Variants in FCN1 observed in about 807,000 individuals in gnomAD.
FCN1 encodes the protein ficolin-1.
A neutral mutation model predicts 35.6 loss-of-function variants in FCN1; 42 were observed. That is an observed-to-expected ratio of 1.18 (90% confidence interval 0.92 to 1.53). FCN1 has a LOEUF of 1.53. FCN1 is among the 40% of genes most tolerant of loss of function. The pLI is 0.00. For missense variants in FCN1, 439 were observed against 428.4 expected, an observed-to-expected ratio of 1.02 and a Z score of -0.22; for synonymous variants, 179 against 169.8, an observed-to-expected ratio of 1.05 and a Z score of -0.42.
At chr9:134,912,698 A>C in intron 6 of FCN1, 83 bp from the exon 7 acceptor site, 1 of 1,581,432 alleles carries the variant, frequency 6.3e-7, no homozygotes, top group Non-Finnish European at 8.7e-7. Flanking sequence ...GAGGAGCAGC[A>C]TTTGTAGTTG....
intron 5 of FCN1, 150 bp from the exon 6 acceptor site, chr9:134,913,293 AG>A: frequency 8.9e-7 from 1 of 1,121,420 alleles, no homozygotes; most frequent in Non-Finnish European, 1.3e-6. Flanking sequence ...CACGGCCCCC[AG>A]GGCCACGCAG....
intron 8 of FCN1, 152 bp downstream of exon 8, chr9:134,910,981 G>A (rs1308383733): frequency 1.7e-5 from 14 of 827,744 alleles, no homozygotes; most frequent in South Asian, 6.6e-5. Context: ...TGAGCCCCAC[G>A]CTGTACAGAG....
chr9:134,914,222 C>T (rs2070620), intron 4 of FCN1, among the ~76,000 whole-genome samples, 163 bp downstream of exon 4: 14,781 of 152,206 alleles, frequency 0.097, 2,131 homozygotes, highest in African/African-American at 0.31. Flanking sequence ...TTTGAGCCCT[C>T]GTGGATTCTG....
rs2989734 is a variant in FCN1, at chr9:134,909,468, A to G, written c.*330T>C. 0.64 allele frequency: 829,444 copies of G among 1,305,586 alleles called. 267,386 individuals carry two copies. Among genetic ancestry groups the G allele is most frequent in the African/African-American group, 0.87 (57,780 of 66,642 alleles). The allele number at this position is 1,305,586 out of a possible 1,614,324, so 80.9% of individuals were successfully genotyped here. ...ACATCGGTAGTGCCATCTGCTAAAT[A>G]AGGGTCCTGACTCTTCCCGACTTAC... On this transcript the variant is annotated 3_prime_UTR_variant, in exon 9 of 9. Transcript: ENST00000371806.
chr9:134,911,303 G>T, intron 7 of FCN1, 36 bp from the exon 8 acceptor site: 1 of 1,593,712 alleles, frequency 6.3e-7, no homozygotes, highest in South Asian at 1.1e-5. Flanking sequence ...CAGCCTTTAA[G>T]ATCTTTCTGT....
chr9:134,915,639 G>T lies in FCN1; in HGVS notation c.217+709C>A, dbSNP rs1005814253. Among the ~76,000 whole-genome samples, 4 of 152,188 alleles carry T rather than the reference G, an allele frequency of 2.6e-5. No individual in the cohort carries two copies. The East Asian group carries it at 7.7e-4, about 29-fold the overall frequency. On this transcript the variant is annotated intron_variant, in intron 2 of 8. Coordinates refer to ENST00000371806, the MANE Select transcript of FCN1 (RefSeq NM_002003.5). ...CGTCAGTGAAAGTCCAAGTCATAGG[G>T]ACATTTGAGCTTGTCCCATCTACAC...
chr9:134,903,876 C>T lies in FCN1; in HGVS notation c.*5922G>A, dbSNP rs998598214. On this transcript the variant is annotated 3_prime_UTR_variant, in exon 9 of 9. Coordinates refer to ENST00000371806, the MANE Select transcript of FCN1 (RefSeq NM_002003.5). ...GCTATTCTATAACTGAAATTAATAA[C>T]TCAATCAATGGTTTTCTATTTATAA... 1.3e-5 allele frequency among the ~76,000 whole-genome samples: 2 copies of T among 152,118 alleles called. No individual in the cohort carries two copies. Among genetic ancestry groups the T allele is most frequent in the Non-Finnish European group, 2.9e-5 (2 of 67,996 alleles).
rs936196488 is a variant in FCN1 at position 134,907,025 on chromosome 9, T to A, written c.*2773A>T. 6.6e-6 allele frequency: 1 copy of A among 152,192 alleles called. No individual in the cohort carries two copies. Among genetic ancestry groups the A allele is most frequent in the Admixed American group, 6.5e-5 (1 of 15,274 alleles). 9.4% of individuals were successfully genotyped at this position (152,192 alleles called of 1,614,324 possible). On this transcript the variant is annotated 3_prime_UTR_variant, in exon 9 of 9. Coordinates refer to ENST00000371806, the MANE Select transcript of FCN1 (RefSeq NM_002003.5). The stretch of plus-strand genomic sequence containing the variant: ...AGGTGGAGATTGCAGTGAGCTGAGA[T>A]CACGCCACTGCACTCCAGCCTGGGT...
intron 8 of FCN1, among the ~76,000 whole-genome samples, chr9:134,910,269 TCCAGCAA>T (rs1330425990): frequency 4.6e-5 from 7 of 152,106 alleles, no homozygotes; most frequent in Admixed American, 4.6e-4. Flanking sequence ...AGGCCCCTGC[TCCAGCAA>T]CCACCTGTTT....
chr9:134,917,256 C>G (rs1478800895), intron 1 of FCN1, among the ~76,000 whole-genome samples: 1 of 152,160 alleles, frequency 6.6e-6, no homozygotes, highest in African/African-American at 2.4e-5. Flanking sequence ...TCCTTAGGAG[C>G]AGTCTCTTGC....
chr9:134,917,079 G>C (rs570229817), intron 1 of FCN1, among the ~76,000 whole-genome samples: 1 of 152,218 alleles, frequency 6.6e-6, no homozygotes, highest in Admixed American at 6.5e-5. Context: ...TGCTAAGGGC[G>C]CTCTTAGAGA....
intron 2 of FCN1, among the ~76,000 whole-genome samples, chr9:134,915,373 C>T (rs1337836115): frequency 6.6e-6 from 1 of 152,168 alleles, no homozygotes; most frequent in Non-Finnish European, 1.5e-5. Flanking sequence ...GCTCGCTGAC[C>T]CCAGTGGCTG....
At chr9:134,913,462 G>C (rs537733514) in intron 5 of FCN1, 119 bp downstream of exon 5, 15 of 727,558 alleles carry the variant, frequency 2.1e-5, no homozygotes, top group Non-Finnish European at 3.0e-5. Context: ...GAGTGATTGA[G>C]GGGGGGATGA....
rs778517450 is a variant in FCN1 at position 134,913,025 on chromosome 9, C to T, written c.459G>A (p.Gly153=). ...CCAGCCCCACACTCACGGTCCAGCCCCCTCCGTCCGTGTCCATGTCACAGA... is the reference window on the plus strand; with the variant it reads ...CCAGCCCCACACTCACGGTCCAGCCTCCTCCGTCCGTGTCCATGTCACAGA... ...TVLCDMDTDG[G]GWTVFQRRMD... Residue 153 remains glycine (G), a synonymous_variant, in exon 6 of 9, where the codon GGG becomes GGA. Coordinates refer to ENST00000371806, the MANE Select transcript of FCN1 (RefSeq NM_002003.5). 1.2e-6 allele frequency: 2 copies of T among 1,611,708 alleles called. No homozygotes were observed. Among genetic ancestry groups the T allele is most frequent in the Non-Finnish European group, 1.7e-6 (2 of 1,179,004 alleles).
At chr9:134,916,177 C>A (rs978031785) in intron 2 of FCN1, among the ~76,000 whole-genome samples, 171 bp downstream of exon 2, 1 of 152,218 alleles carries the variant, frequency 6.6e-6, no homozygotes, top group Non-Finnish European at 1.5e-5. Context: ...CATTTCAGAA[C>A]CCTGTTGGGC....
Position 134,911,193 on chromosome 9 carries a change from C to T in FCN1, c.673G>A (p.Val225Met). The stretch of plus-strand genomic sequence containing the variant: ...TTGTACTTCTCTGCCTCGTCAGCCA[C>T]CTTGAATGATTTGTACTTAGCAAAC... ...HQFAKYKSFK[V>M]ADEAEKYKLV... The change falls in exon 8 of 9, where the codon GTG (valine) becomes ATG (methionine). Residue 225 changes from valine to methionine, a missense_variant. By Grantham distance (21) the Val-to-Met change is conservative. Coordinates refer to ENST00000371806, the MANE Select transcript of FCN1 (RefSeq NM_002003.5). 6.2e-7 allele frequency: 1 copy of T among 1,614,188 alleles called. No homozygotes were observed. The highest frequency in any genetic ancestry group is 8.5e-7 in the Non-Finnish European group (1 of 1,180,026).
intron 3 of FCN1, 145 bp downstream of exon 3, chr9:134,914,611 G>A (rs1053040795): frequency 6.4e-5 from 54 of 849,882 alleles, no homozygotes; most frequent in African/African-American, 3.6e-4. Flanking sequence ...GTCCCTGTCC[G>A]CCTGCCACTG....
chr9:134,912,817 A>T (rs986630985), intron 6 of FCN1, among the ~76,000 whole-genome samples, 199 bp downstream of exon 6: 4 of 152,330 alleles, frequency 2.6e-5, no homozygotes, highest in East Asian at 3.9e-4. Context: ...ACAAGCCCCA[A>T]GCCACACAGC....
chr9:134,905,071 G>C lies in FCN1; in HGVS notation c.*4727C>G, dbSNP rs1830924388. On this transcript the variant is annotated 3_prime_UTR_variant, in exon 9 of 9. Transcript: ENST00000371806. ...GTCTTCATTGGTAAAGTGGTAGAAG[G>C]AATAATTTATAGTATACCGTAAAAA... 6.6e-6 allele frequency among the ~76,000 whole-genome samples: 1 copy of C among 152,010 alleles called. No individual in the cohort carries two copies. Among genetic ancestry groups the C allele is most frequent in the African/African-American group, 2.4e-5 (1 of 41,366 alleles).
Sources: gnomAD v4.1 joint callset for allele counts (sites outside exome capture counted in the v4.1 genomes callset) on GRCh38, gnomAD v4.1.1 for gene constraint, MANE v1.5 for transcripts, NCBI Gene and HGNC (gene_info 2026-07-23, HGNC 2026-07-21) for gene names.